VAV2: variants seen among roughly 807,000 people sequenced by gnomAD.
VAV2 encodes vav guanine nucleotide exchange factor 2, also known as guanine nucleotide exchange factor VAV2.
In VAV2, 67 loss-of-function variants were observed where a neutral mutation model predicts 132.5. The ratio of observed to expected loss-of-function variants is 0.51; its 90% CI spans 0.42 to 0.62. The LOEUF (loss-of-function observed/expected upper bound fraction) is 0.62, where lower values mean the gene tolerates loss of function less well. VAV2 is among the 20% of genes least tolerant of loss of function. VAV2 has a pLI of 0.00. For missense variants in VAV2, 938 were observed against 1,153.6 expected (o/e 0.81, Z 2.71); for synonymous variants, 492 against 443.5 (o/e 1.11, Z -1.37).
At chr9:133,777,302 CA>C (rs1455967434) in intron 23 of VAV2, 86 bp downstream of exon 23, 5 of 1,432,760 alleles carry the variant, frequency 3.5e-6, no homozygotes, top group Non-Finnish European at 9.7e-7. Context: ...CTGAACAAGC[CA>C]AAAATGTCCA....
In VAV2 at chr9:133,884,981, AT is replaced by A. The variant is rs1838645064; in HGVS notation, c.322-23550del. On this transcript the variant is annotated intron_variant, in intron 2 of 29. Coordinates refer to ENST00000371850, the MANE Select transcript of VAV2 (RefSeq NM_001134398.2). This position sits in a 1 kb window ranked among gnomAD's most constrained non-coding sequence, Gnocchi z 5.3. ...CACAGTGACAGGTGGAGCCTAGATC[AT>A]TCCAAAGACTCCAAAGATAATGCCA... 6.6e-6 allele frequency among the ~76,000 whole-genome samples: 1 copy of A among 152,204 alleles called. No individual in the cohort carries two copies. The highest frequency in any genetic ancestry group is 1.5e-5 in the Non-Finnish European group (1 of 68,038).
chr9:133,931,956 A>G (rs1840703974), intron 2 of VAV2, among the ~76,000 whole-genome samples: 1 of 152,202 alleles, frequency 6.6e-6, no homozygotes, highest in South Asian at 2.1e-4. Flanking sequence ...GTAAACAGTC[A>G]GTGCGCTGCC....
At position 133,824,035 on chromosome 9, in the gene VAV2, G is replaced by A. The variant is rs1480549365; in HGVS notation, c.449+10237C>T. 6.6e-6 allele frequency among the ~76,000 whole-genome samples: 1 copy of A among 152,174 alleles called. No homozygotes were observed. The highest frequency in any genetic ancestry group is 1.5e-5 in the Non-Finnish European group (1 of 68,026). ...CACTGAAGCCCCCAGCCACGTGGCA[G>A]CAGGGCCTCTGGAGACAGCTGGGGC... On this transcript the variant is annotated intron_variant, in intron 4 of 29. Transcript: ENST00000371850. The surrounding 1 kb of genome is among the most constrained non-coding windows in gnomAD (Gnocchi z 5.2).
chr9:133,836,371 C>G (rs772884276), intron 3 of VAV2, among the ~76,000 whole-genome samples: 5 of 152,210 alleles, frequency 3.3e-5, no homozygotes, highest in Admixed American at 6.5e-5. Flanking sequence ...CGCACCAGCC[C>G]CTCGCTTACA....
At chr9:133,807,374 C>G (rs1284003966) in intron 7 of VAV2, 48 bp from the exon 8 acceptor site, 1 of 1,540,374 alleles carries the variant, frequency 6.5e-7, no homozygotes. Context: ...GTTGCCCACC[C>G]TCTCAAGGTC....
At chr9:133,851,721 T>C (rs887964250) in intron 3 of VAV2, among the ~76,000 whole-genome samples, 4 of 150,278 alleles carry the variant, frequency 2.7e-5, no homozygotes, top group Non-Finnish European at 5.9e-5. Context: ...AATGGATGAA[T>C]AGATGGGTGA....
chr9:133,791,153 C>CGGTCA (rs1834441628), intron 13 of VAV2, among the ~76,000 whole-genome samples: 1 of 152,180 alleles, frequency 6.6e-6, no homozygotes, highest in South Asian at 2.1e-4. Flanking sequence ...AAGTCGGCTC[C>CGGTCA]GGTCAGCACA....
In VAV2 at chr9:133,788,927, G is replaced by A. The variant is rs890080296; in HGVS notation, c.1274+331C>T. ...GCCACCGTGCGCCTGGACACTCTCC[G>A]GCAGTCATTTGGCAAAGAGCCCATC... On this transcript the variant is annotated intron_variant, in intron 14 of 29. Coordinates refer to ENST00000371850, the MANE Select transcript of VAV2 (RefSeq NM_001134398.2). This position sits in a 1 kb window ranked among gnomAD's most constrained non-coding sequence, Gnocchi z 5.3. Among the ~76,000 whole-genome samples the A allele has an allele frequency of 5.9e-5, 9 of 152,216 alleles. No homozygotes were observed. Among genetic ancestry groups the A allele is most frequent in the African/African-American group, 1.9e-4 (8 of 41,456 alleles).
intron 1 of VAV2, among the ~76,000 whole-genome samples, chr9:133,983,433 C>T (rs1374801401): frequency 1.3e-5 from 2 of 152,134 alleles, no homozygotes; most frequent in Non-Finnish European, 2.9e-5. Context: ...GGGGCGGATG[C>T]TCACCCACGC....
chr9:133,991,865 G>C lies in VAV2; in HGVS notation c.204+210C>G, dbSNP rs577939518. Among the ~76,000 whole-genome samples the C allele has an allele frequency of 2.6e-5, 4 of 151,134 alleles. No individual in the cohort carries two copies. In the East Asian group the frequency reaches 7.8e-4, roughly 29 times the overall value. On this transcript the variant is annotated intron_variant, in intron 1 of 29. Coordinates refer to ENST00000371850, the MANE Select transcript of VAV2 (RefSeq NM_001134398.2). This position sits in a 1 kb window ranked among gnomAD's most constrained non-coding sequence, Gnocchi z 4.8. ...CCGCGGGCGGCGGCGGCGCGACCCA[G>C]GCTGAGGGGACTTTGGCCAACTTCG...
At chr9:133,854,240 T>C (rs1203568164) in intron 3 of VAV2, among the ~76,000 whole-genome samples, 1 of 145,142 alleles carries the variant, frequency 6.9e-6, no homozygotes, top group Non-Finnish European at 1.5e-5. Flanking sequence ...CCTGCACACA[T>C]ACATGCACTC....
At chr9:133,848,757 G>A (rs1837051429) in intron 3 of VAV2, among the ~76,000 whole-genome samples, 1 of 152,198 alleles carries the variant, frequency 6.6e-6, no homozygotes, top group Admixed American at 6.5e-5. Context: ...GCCCAGGCAG[G>A]CTCCTGCGTC....
At chr9:133,902,482 C>T (rs941672397) in intron 2 of VAV2, among the ~76,000 whole-genome samples, 2 of 152,198 alleles carry the variant, frequency 1.3e-5, no homozygotes, top group Non-Finnish European at 2.9e-5. Context: ...CCCAGAGCTC[C>T]AGTAGAGAAA....
rs546725857 is a variant in VAV2, at chr9:133,787,342, G to A, written c.1408-82C>T. 4.1e-5 allele frequency: 58 copies of A among 1,421,640 alleles called. 1 individual carries two copies. The African/African-American group carries it at 6.9e-4, about 17-fold the overall frequency. The allele number at this position is 1,421,640 out of a possible 1,614,324, so 88.1% of individuals were successfully genotyped here. A position where few individuals can be genotyped will look rare whatever the true frequency, so the allele number is the denominator to read the frequency against. On this transcript the variant is annotated intron_variant, in intron 15 of 29. Coordinates refer to ENST00000371850, the MANE Select transcript of VAV2 (RefSeq NM_001134398.2). ...GCCCTGTGGTGGGTGCCGCAGTGTG[G>A]AGGCGCCAGGAGCCCTGGCAGGTGG... is the stretch of plus-strand genomic sequence containing the variant.
intron 3 of VAV2, among the ~76,000 whole-genome samples, chr9:133,853,439 C>T (rs555080427): frequency 6.6e-6 from 1 of 152,240 alleles, no homozygotes; most frequent in South Asian, 2.1e-4. Context: ...GGAGGCCCTG[C>T]CCCAGCGGCC....
At chr9:133,897,397 C>A (rs1324193309) in intron 2 of VAV2, among the ~76,000 whole-genome samples, 2 of 152,148 alleles carry the variant, frequency 1.3e-5, no homozygotes, top group African/African-American at 4.8e-5. Flanking sequence ...CTGCTCTGCC[C>A]CCCTGTAACC....
intron 1 of VAV2, among the ~76,000 whole-genome samples, chr9:133,989,910 G>A (rs1842965029): frequency 6.6e-6 from 1 of 152,264 alleles, no homozygotes; most frequent in South Asian, 2.1e-4. Flanking sequence ...CCACGGGACA[G>A]AGGAGTGGAT....
At chr9:133,803,341 C>T (rs553787062) in intron 9 of VAV2, among the ~76,000 whole-genome samples, 38 of 152,310 alleles carry the variant, frequency 2.5e-4, no homozygotes, top group East Asian at 9.7e-4. Context: ...GCCAGCTCCC[C>T]GAGGTCGTTC....
At chr9:133,862,477 G>C (rs1837635765) in intron 2 of VAV2, among the ~76,000 whole-genome samples, 1 of 152,262 alleles carries the variant, frequency 6.6e-6, no homozygotes, top group African/African-American at 2.4e-5. Flanking sequence ...GTACATCTGT[G>C]AGTCCATGTG....
Sources: gnomAD v4.1 joint callset for allele counts (sites outside exome capture counted in the v4.1 genomes callset) on GRCh38, gnomAD v4.1.1 for gene constraint, Gnocchi (gnomAD v3.1) non-coding constraint, MANE v1.5 for transcripts, NCBI Gene and HGNC (gene_info 2026-07-23, HGNC 2026-07-21) for gene names.